Variants in ZNF560 observed in about 807,000 individuals in gnomAD.
ZNF560 encodes the protein zinc finger protein 560.
A neutral mutation model predicts 81.8 loss-of-function variants in ZNF560; 54 were observed. The ratio of observed to expected loss-of-function variants is 0.66; its 90% CI spans 0.53 to 0.83. The LOEUF is 0.83. Among genes scored for constraint, ZNF560 ranks in the 40% least tolerant of loss-of-function variants. ZNF560 has a pLI of 0.00. For synonymous variants in ZNF560, 321 were observed against 317.9 expected (o/e 1.01, Z -0.10); for missense variants, 940 against 932.4 (o/e 1.01, Z -0.11).
At chr19:9,473,158 T>C (rs2073148515) in intron 5 of ZNF560, 21 bp downstream of exon 5, 4 of 1,605,726 alleles carry the variant, frequency 2.5e-6, no homozygotes, top group Non-Finnish European at 3.4e-6. Flanking sequence ...CTGACCAAGG[T>C]TGTTCTTCAC....
chr19:9,498,856 C>G (rs1022781753), upstream of ZNF560: 5 of 152,364 alleles, frequency 3.3e-5, no homozygotes, highest in African/African-American at 1.2e-4. Flanking sequence ...GAGGTGGGAC[C>G]AGACCCAGCC....
chr19:9,469,285 T>C (rs2073085788), intron 8 of ZNF560, 98 bp from the exon 9 acceptor site: 2 of 963,500 alleles, frequency 2.1e-6, no homozygotes, highest in South Asian at 3.5e-5. Context: ...ATGTCTAAAA[T>C]TTGGCAATCA....
At position 9,466,906 on chromosome 19, in the gene ZNF560, C is replaced by T. The variant is rs57811230; in HGVS notation, c.2041G>A (p.Glu681Lys). The T allele has an allele frequency of 1.2e-6, 2 of 1,613,962 alleles. No individual in the cohort carries two copies. The highest frequency in any genetic ancestry group is 1.7e-6 in the Non-Finnish European group (2 of 1,180,040). Residue 681 changes from glutamate to lysine, a missense_variant, in exon 10 of 10, where the codon GAG becomes AAG. Glu to Lys is a moderately conservative substitution (Grantham distance 56). Transcript: ENST00000301480. Reference protein sequence around the residue: ...LTQHLKTHAAEKTSECNACGN... With the variant: ...LTQHLKTHAAKKTSECNACGN... Reference sequence around the variant, plus strand: ...CATGCGTTACATTCAGAGGTCTTCTCTGCTGCATGAGTTTTTAAGTGTTGA... The same window carrying T: ...CATGCGTTACATTCAGAGGTCTTCTTTGCTGCATGAGTTTTTAAGTGTTGA...
chr19:9,462,869 C>A (rs974388855), downstream of ZNF560, among the ~76,000 whole-genome samples: 1 of 152,082 alleles, frequency 6.6e-6, no homozygotes, highest in Non-Finnish European at 1.5e-5. Context: ...GCAAGATCAT[C>A]AAAGAGGAAT....
At chr19:9,482,711 G>A (rs576356934) in intron 2 of ZNF560, among the ~76,000 whole-genome samples, 20 of 141,074 alleles carry the variant, frequency 1.4e-4, no homozygotes, top group African/African-American at 3.9e-4. Flanking sequence ...CTCTGATGCC[G>A]AGCCGAAGCT....
chr19:9,470,510 T>C lies in ZNF560; in HGVS notation c.330A>G (p.Val110=), dbSNP rs767947841. ...ACTCCACAGCCACACTGTCAAAGGT[T>C]ACCAGGTCCTAAACCATCAGACACA... The part of the protein sequence containing the change: ...QTSNGIQMDL[V]TFDSVAVEFT... The change falls in exon 7 of 10, where the codon GTA becomes GTG. Residue 110 remains valine (V), a synonymous_variant. Transcript: ENST00000301480. 1.1e-5 allele frequency: 18 copies of C among 1,614,050 alleles called. No individual in the cohort carries two copies. The South Asian group carries it at 1.5e-4, about 14-fold the overall frequency.
At chr19:9,446,291 A>G in the ZNF560 span, among the ~76,000 whole-genome samples, 1 of 151,766 alleles carries the variant, frequency 6.6e-6, no homozygotes, top group East Asian at 1.9e-4. Flanking sequence ...TCCAGGTGGG[A>G]CATTCAGTGG....
At chr19:9,482,600 C>T (rs535736209) in intron 2 of ZNF560, among the ~76,000 whole-genome samples, 1 of 152,078 alleles carries the variant, frequency 6.6e-6, no homozygotes, top group East Asian at 1.9e-4. Flanking sequence ...CACTCCAGCA[C>T]AGGCAAGAGC....
chr19:9,471,352 C>T lies in ZNF560; in HGVS notation c.265G>A (p.Val89Ile). The T allele has an allele frequency of 6.3e-7, 1 of 1,591,080 alleles. No individual in the cohort carries two copies. Among genetic ancestry groups the T allele is most frequent in the South Asian group, 1.2e-5 (1 of 86,540 alleles). The change falls in exon 6 of 10, where the codon GTT (valine) becomes ATT (isoleucine). Residue 89 changes from valine (V) to isoleucine (I), a missense_variant. By Grantham distance (29) the Val-to-Ile change is conservative. Coordinates refer to ENST00000301480, the MANE Select transcript of ZNF560 (RefSeq NM_152476.3). ...QDWAIKHQTS[V>I]SALQQEFWKI... Reference sequence around the variant, plus strand: ...CAAAACTCCTGCTGCAGTGCTGAAACACTGGTTTGATGTTTTATTGCCCAG... The same window carrying T: ...CAAAACTCCTGCTGCAGTGCTGAAATACTGGTTTGATGTTTTATTGCCCAG...
chr19:9,482,833 T>A (rs1039305401), intron 2 of ZNF560, among the ~76,000 whole-genome samples: 2 of 152,136 alleles, frequency 1.3e-5, no homozygotes, highest in Admixed American at 6.5e-5. Flanking sequence ...TGACTGGTTT[T>A]CGTATTTTTT....
intron 2 of ZNF560, among the ~76,000 whole-genome samples, chr19:9,480,934 A>C (rs2073278059): frequency 6.6e-6 from 1 of 151,986 alleles, no homozygotes; most frequent in Non-Finnish European, 1.5e-5. Context: ...AAATACAAAA[A>C]TTAGTTGGGT....
chr19:9,449,991 AAAAAAAAC>A, the ZNF560 span, among the ~76,000 whole-genome samples: 2 of 147,146 alleles, frequency 1.4e-5, no homozygotes, highest in Admixed American at 6.8e-5. Context: ...AAAAAAAAAA[AAAAAAAAC>A]AACTGAAAAA....
chr19:9,485,029 A>C (rs2073363043), intron 2 of ZNF560, among the ~76,000 whole-genome samples: 1 of 152,128 alleles, frequency 6.6e-6, no homozygotes, highest in African/African-American at 2.4e-5. Context: ...CAACCTACCA[A>C]ACACTAAATA....
chr19:9,487,500 C>T (rs563647290), intron 2 of ZNF560, among the ~76,000 whole-genome samples: 3 of 152,264 alleles, frequency 2.0e-5, no homozygotes, highest in African/African-American at 4.8e-5. Context: ...CTTTGAGAGG[C>T]TCATGATATT....
chr19:9,494,914 AC>A (rs2073532785), intron 2 of ZNF560, among the ~76,000 whole-genome samples: 2 of 149,624 alleles, frequency 1.3e-5, no homozygotes, highest in South Asian at 4.3e-4. Context: ...TCAAAAAAAA[AC>A]AAACAAACAA....
the ZNF560 span, among the ~76,000 whole-genome samples, chr19:9,446,650 C>T: frequency 6.6e-6 from 1 of 152,112 alleles, no homozygotes; most frequent in Non-Finnish European, 1.5e-5. Flanking sequence ...AACTGTATTA[C>T]ATTATGTGGC....
At chr19:9,473,944 G>C (rs1399775357) in intron 4 of ZNF560, among the ~76,000 whole-genome samples, 43 of 152,344 alleles carry the variant, frequency 2.8e-4, no homozygotes, top group Admixed American at 2.8e-3. Flanking sequence ...TTAACACACA[G>C]ATGACAATCC....
Position 9,467,402 on chromosome 19 carries a change from G to C in ZNF560, c.1545C>G (p.Pro515=), listed in dbSNP as rs1281867546. The change falls in exon 10 of 10, where the codon CCC becomes CCG. Residue 515 remains proline, a synonymous_variant. Coordinates refer to ENST00000301480, the MANE Select transcript of ZNF560 (RefSeq NM_152476.3). ...GTTTCCCACATTTGTAACACTTAAAGGGCTTCTCACCAGTGTGAGTTCTCA... is the reference window on the plus strand; with the variant it reads ...GTTTCCCACATTTGTAACACTTAAACGGCTTCTCACCAGTGTGAGTTCTCA... ...AHLRTHTGEK[P]FKCYKCGKPF... The C allele has an allele frequency of 1.2e-6, 2 of 1,614,114 alleles. No homozygotes were observed. Among genetic ancestry groups the C allele is most frequent in the Admixed American group, 1.7e-5 (1 of 60,006 alleles).
chr19:9,486,848 C>T (rs377187386), intron 2 of ZNF560, among the ~76,000 whole-genome samples: 93 of 152,276 alleles, frequency 6.1e-4, no homozygotes, highest in African/African-American at 2.1e-3. Flanking sequence ...TAAGCCCTAT[C>T]CTATGTAGCT....
Sources: allele counts gnomAD v4.1 joint callset (sites outside exome capture counted in the v4.1 genomes callset), GRCh38; gene constraint gnomAD v4.1.1; transcripts MANE v1.5; gene names NCBI Gene and HGNC (gene_info 2026-07-23, HGNC 2026-07-21).